The following IMMP2L variants were observed in gnomAD, a reference collection of about 807,000 sequenced individuals.
IMMP2L encodes the protein inner mitochondrial membrane peptidase subunit 2, also known as mitochondrial inner membrane protease subunit 2.
Under a neutral mutation model 19.3 loss-of-function variants are expected in IMMP2L, and 18 were observed. The ratio of observed to expected loss-of-function variants is 0.93; its 90% CI spans 0.64 to 1.38. IMMP2L has a LOEUF of 1.38. Ranked by LOEUF, IMMP2L falls within the 40% of genes most tolerant of loss-of-function variation. The pLI, the probability that IMMP2L is intolerant of heterozygous loss-of-function variation, is 0.00. For synonymous variants in IMMP2L, 76 were observed against 73.0 expected, an observed-to-expected ratio of 1.04 and a Z score of -0.21; for missense variants, 233 against 218.2, an observed-to-expected ratio of 1.07 and a Z score of -0.43.
At position 110,758,597 on chromosome 7, in the gene IMMP2L, A is replaced by G. The variant is rs1798169676; in HGVS notation, c.409-94876T>C. ...TGTGACATTGAGCTATTTAGCAGATAATAATCAATCAATATTGACTTTCAG... is the reference window on the plus strand; with the variant it reads ...TGTGACATTGAGCTATTTAGCAGATGATAATCAATCAATATTGACTTTCAG... On this transcript the variant is annotated intron_variant, in intron 5 of 5. Coordinates refer to ENST00000405709, the MANE Select transcript of IMMP2L (RefSeq NM_032549.4). The surrounding 1 kb of genome is among the most constrained non-coding windows in gnomAD (Gnocchi z 4.6). Among the ~76,000 whole-genome samples, 1 of 152,084 alleles carries G rather than the reference A, an allele frequency of 6.6e-6. No homozygotes were observed. The highest frequency in any genetic ancestry group is 6.6e-5 in the Admixed American group (1 of 15,240).
rs112763788 is a variant in IMMP2L, at chr7:110,960,577, T to C, written c.305+2923A>G. On this transcript the variant is annotated intron_variant, in intron 4 of 5. Coordinates refer to ENST00000405709, the MANE Select transcript of IMMP2L (RefSeq NM_032549.4). ...GTTTTGCAAATACTAAAAATGTATTTTGGATATTTGTGATATATATCAAAT... is the reference window on the plus strand; with the variant it reads ...GTTTTGCAAATACTAAAAATGTATTCTGGATATTTGTGATATATATCAAAT... 9.5e-3 allele frequency among the ~76,000 whole-genome samples: 1,451 copies of C among 152,046 alleles called. 24 individuals are homozygous for C. Among genetic ancestry groups the C allele is most frequent in the African/African-American group, 0.033 (1,369 of 41,506 alleles).
intron 5 of IMMP2L, among the ~76,000 whole-genome samples, chr7:110,871,442 G>T (rs1808531071): frequency 6.6e-6 from 1 of 152,034 alleles, no homozygotes; most frequent in African/African-American, 2.4e-5. Flanking sequence ...CCTAGAAAAA[G>T]GACTGGTTAT....
rs1429583454 is a variant in IMMP2L, at chr7:110,758,615, A to G, written c.409-94894T>C. On this transcript the variant is annotated intron_variant, in intron 5 of 5. Coordinates refer to ENST00000405709, the MANE Select transcript of IMMP2L (RefSeq NM_032549.4). This position sits in a 1 kb window ranked among gnomAD's most constrained non-coding sequence, Gnocchi z 4.6. ...AGCAGATAATAATCAATCAATATTGACTTTCAGTCTTCCTACAGTACAATC... is the reference window on the plus strand; with the variant it reads ...AGCAGATAATAATCAATCAATATTGGCTTTCAGTCTTCCTACAGTACAATC... Among the ~76,000 whole-genome samples the G allele has an allele frequency of 1.3e-5, 2 of 152,068 alleles. No individual in the cohort carries two copies. The highest frequency in any genetic ancestry group is 2.4e-5 in the African/African-American group (1 of 41,436).
At chr7:111,110,456 A>G (rs748639990) in intron 3 of IMMP2L, among the ~76,000 whole-genome samples, 5 of 152,224 alleles carry the variant, frequency 3.3e-5, no homozygotes, top group Non-Finnish European at 7.4e-5. Flanking sequence ...GATCACAAAT[A>G]TAGATTATAT....
intron 5 of IMMP2L, among the ~76,000 whole-genome samples, chr7:110,681,880 G>A (rs556204966): frequency 2.0e-4 from 31 of 152,114 alleles, no homozygotes; most frequent in Admixed American, 1.0e-3. Context: ...TTGGGGAAAC[G>A]ACCTCTGACC....
chr7:111,210,023 A>T (rs571615370), intron 3 of IMMP2L, among the ~76,000 whole-genome samples: 4 of 152,136 alleles, frequency 2.6e-5, no homozygotes, highest in African/African-American at 9.7e-5. Flanking sequence ...TGAATAATCA[A>T]TCTCTTCTCC....
At chr7:111,170,532 T>C (rs1806317241) in intron 3 of IMMP2L, among the ~76,000 whole-genome samples, 1 of 151,836 alleles carries the variant, frequency 6.6e-6, no homozygotes, top group Non-Finnish European at 1.5e-5. Flanking sequence ...CCTGTGGCAG[T>C]CATTTCCAGA....
intron 1 of IMMP2L, among the ~76,000 whole-genome samples, chr7:111,551,979 G>A (rs1790719218): frequency 6.6e-6 from 1 of 152,120 alleles, no homozygotes; most frequent in South Asian, 2.1e-4. Context: ...TCAAGGAGAT[G>A]CTCTAGAATG....
intron 3 of IMMP2L, among the ~76,000 whole-genome samples, chr7:111,052,167 T>G (rs1320852335): frequency 2.6e-5 from 4 of 152,238 alleles, no homozygotes; most frequent in Non-Finnish European, 5.9e-5. Context: ...CTTTGACGTA[T>G]TTTAAAATGG....
intron 3 of IMMP2L, among the ~76,000 whole-genome samples, chr7:111,095,918 T>C (rs1797352511): frequency 6.6e-6 from 1 of 151,856 alleles, no homozygotes; most frequent in Non-Finnish European, 1.5e-5. Flanking sequence ...CATCCCAACT[T>C]ACTTTTTGAT....
intron 3 of IMMP2L, among the ~76,000 whole-genome samples, chr7:111,210,142 T>A (rs1036366449): frequency 1.3e-5 from 2 of 152,166 alleles, no homozygotes; most frequent in African/African-American, 2.4e-5. Flanking sequence ...ACTTTGTTTT[T>A]TGCTTTCTTG....
intron 5 of IMMP2L, among the ~76,000 whole-genome samples, chr7:110,846,417 G>A (rs534991828): frequency 6.7e-5 from 10 of 150,318 alleles, no homozygotes; most frequent in African/African-American, 2.0e-4. Flanking sequence ...CCAGGCTGGA[G>A]TGCAGTGGCA....
At chr7:111,452,688 A>G (rs1839316128) in intron 3 of IMMP2L, among the ~76,000 whole-genome samples, 1 of 152,074 alleles carries the variant, frequency 6.6e-6, no homozygotes, top group African/African-American at 2.4e-5. Flanking sequence ...CCAACTTCCA[A>G]TTCTCTGAAG....
chr7:111,362,030 T>C (rs1829307017), intron 3 of IMMP2L, among the ~76,000 whole-genome samples: 1 of 152,134 alleles, frequency 6.6e-6, no homozygotes, highest in African/African-American at 2.4e-5. Flanking sequence ...CTATAATTTC[T>C]AGCATGTTAC....
chr7:111,027,004 T>G (rs1452293910), intron 3 of IMMP2L, among the ~76,000 whole-genome samples: 1 of 152,162 alleles, frequency 6.6e-6, no homozygotes, highest in Non-Finnish European at 1.5e-5. Flanking sequence ...ATAATCCAGT[T>G]TAAGTTTTCT....
At chr7:111,334,804 A>G (rs892946737) in intron 3 of IMMP2L, among the ~76,000 whole-genome samples, 1 of 152,096 alleles carries the variant, frequency 6.6e-6, no homozygotes, top group Non-Finnish European at 1.5e-5. Context: ...TGTTTTTTAA[A>G]CCTTCACTTG....
chr7:111,464,702 C>G (rs1840450063), intron 3 of IMMP2L, among the ~76,000 whole-genome samples: 1 of 152,148 alleles, frequency 6.6e-6, no homozygotes, highest in Non-Finnish European at 1.5e-5. Context: ...TTAAGTCACT[C>G]TAGCCTCAAT....
chr7:111,035,657 A>G (rs2129569798), intron 3 of IMMP2L, among the ~76,000 whole-genome samples: 1 of 152,330 alleles, frequency 6.6e-6, no homozygotes, highest in East Asian at 1.9e-4. Context: ...ATACTTTCAA[A>G]TTATTGACAA....
At chr7:111,174,321 A>T (rs773511723) in intron 3 of IMMP2L, among the ~76,000 whole-genome samples, 1 of 151,718 alleles carries the variant, frequency 6.6e-6, no homozygotes, top group Non-Finnish European at 1.5e-5. Context: ...AGGCAGATAG[A>T]GGTTTAATAA....
Sources: allele counts gnomAD v4.1 joint callset (sites outside exome capture counted in the v4.1 genomes callset), GRCh38; gene constraint gnomAD v4.1.1; non-coding constraint Gnocchi (gnomAD v3.1); transcripts MANE v1.5; gene names NCBI Gene and HGNC (gene_info 2026-07-23, HGNC 2026-07-21).